The following PIBF1 variants were observed in gnomAD, a reference collection of about 807,000 sequenced individuals.
PIBF1 encodes the protein progesterone-induced-blocking factor 1.
A neutral mutation model predicts 112.5 loss-of-function variants in PIBF1; 90 were observed. The ratio of observed to expected loss-of-function variants is 0.80; its 90% CI spans 0.67 to 0.95. The LOEUF (loss-of-function observed/expected upper bound fraction) is 0.95, where lower values mean the gene tolerates loss of function less well. PIBF1 is among the 40% of genes least tolerant of loss of function. The pLI, the probability that PIBF1 is intolerant of heterozygous loss-of-function variation, is 0.00. For synonymous variants in PIBF1, 301 were observed against 288.6 expected (o/e 1.04, Z -0.44); for missense variants, 915 against 852.3 (o/e 1.07, Z -0.92).
In PIBF1 at chr13:72,783,617, C is replaced by G. The variant is rs1304237276; in HGVS notation, c.148C>G (p.Leu50Val). 2 of 1,613,850 alleles carry G rather than the reference C, an allele frequency of 1.2e-6. No homozygotes were observed. Among genetic ancestry groups the G allele is most frequent in the Non-Finnish European group, 1.7e-6 (2 of 1,179,906 alleles). Residue 50 changes from leucine (L) to valine (V), a missense_variant, in exon 2 of 18, where the codon CTA becomes GTA. Leu to Val is a conservative substitution (Grantham distance 32, BLOSUM62 1). Coordinates refer to ENST00000326291, the MANE Select transcript of PIBF1 (RefSeq NM_006346.4). ...REGKVRITRQLIERKELLHNI... is the reference protein window; with the variant it reads ...REGKVRITRQVIERKELLHNI... ...GGGCAAAGTCAGAATCACCAGGCAG[C>G]TAATTGAACGAAAAGAACTACTTCA...
chr13:72,944,970 G>T (rs2042111752), intron 14 of PIBF1, among the ~76,000 whole-genome samples: 1 of 151,986 alleles, frequency 6.6e-6, no homozygotes, highest in Admixed American at 6.6e-5. Context: ...GTGATGGTAA[G>T]GTTTGGAGTT....
At chr13:72,943,125 G>T (rs1009874338) in intron 14 of PIBF1, among the ~76,000 whole-genome samples, 4 of 152,084 alleles carry the variant, frequency 2.6e-5, no homozygotes, top group African/African-American at 9.7e-5. Context: ...AATTTAGCAA[G>T]TGAACTTTAA....
rs528309113 is a variant in PIBF1, at chr13:72,869,179, C to T, written c.1322+15024C>T. Among the ~76,000 whole-genome samples, 185 of 152,188 alleles carry T rather than the reference C, an allele frequency of 1.2e-3. 2 individuals are homozygous for T. The highest frequency in any genetic ancestry group is 3.9e-3 in the African/African-American group (161 of 41,518). On this transcript the variant is annotated intron_variant, in intron 10 of 17. Transcript: ENST00000326291. Reference sequence around the variant, plus strand: ...GACACATGCACACGTATGTTTATCACGGCATTATTCACAATAGCAAAGACT... The same window carrying T: ...GACACATGCACACGTATGTTTATCATGGCATTATTCACAATAGCAAAGACT...
chr13:73,013,076 C>A (rs1489438531), intron 17 of PIBF1, among the ~76,000 whole-genome samples: 2 of 151,060 alleles, frequency 1.3e-5, no homozygotes, highest in African/African-American at 4.9e-5. Context: ...CCGAGGCGGG[C>A]GGATCACGAG....
Position 72,806,109 on chromosome 13 carries a change from C to A in PIBF1, c.672+8083C>A, listed in dbSNP as rs117291566. On this transcript the variant is annotated intron_variant, in intron 5 of 17. Coordinates refer to ENST00000326291, the MANE Select transcript of PIBF1 (RefSeq NM_006346.4). ...ATTTAAGACTTTATTTTCATGTATACAATTCAGTAAAGAATACTCACATTG... is the reference window on the plus strand; with the variant it reads ...ATTTAAGACTTTATTTTCATGTATAAAATTCAGTAAAGAATACTCACATTG... Among the ~76,000 whole-genome samples, 1,284 of 152,236 alleles carry A rather than the reference C, an allele frequency of 8.4e-3. 66 individuals carry two copies. Among genetic ancestry groups the A allele is most frequent in the East Asian group, 9.5e-3 (49 of 5,184 alleles).
intron 16 of PIBF1, among the ~76,000 whole-genome samples, chr13:72,991,908 T>C (rs573742726): frequency 5.3e-5 from 8 of 152,082 alleles, no homozygotes; most frequent in East Asian, 1.9e-4. Flanking sequence ...TTAGTAGAGA[T>C]GGGGTTTCAC....
intron 6 of PIBF1, among the ~76,000 whole-genome samples, chr13:72,824,407 A>G: frequency 6.6e-6 from 1 of 152,178 alleles, no homozygotes; most frequent in Non-Finnish European, 1.5e-5. Flanking sequence ...GAATATCACA[A>G]TAAATATTGG....
At chr13:72,957,489 A>G (rs983949682) in intron 14 of PIBF1, among the ~76,000 whole-genome samples, 1 of 152,154 alleles carries the variant, frequency 6.6e-6, no homozygotes, top group Non-Finnish European at 1.5e-5. Context: ...TAAGAATGAT[A>G]CAGTGGACTT....
At chr13:72,817,437 A>C (rs547717944) in intron 5 of PIBF1, among the ~76,000 whole-genome samples, 1 of 152,266 alleles carries the variant, frequency 6.6e-6, no homozygotes, top group African/African-American at 2.4e-5. Flanking sequence ...TATGTTTGAA[A>C]AGTTTACTTT....
At chr13:72,792,364 G>T (rs1474104144) in intron 2 of PIBF1, 83 bp from the exon 3 acceptor site, 3 of 835,522 alleles carry the variant, frequency 3.6e-6, no homozygotes, top group Non-Finnish European at 5.8e-6. Context: ...TTTCTTTCAA[G>T]TGTTTTTAAA....
intron 11 of PIBF1, among the ~76,000 whole-genome samples, chr13:72,904,913 T>C (rs879088311): frequency 6.6e-6 from 1 of 150,454 alleles, no homozygotes; most frequent in Admixed American, 6.7e-5. Context: ...TAAAGGGGGG[T>C]TGTTAACTAA....
At chr13:72,879,023 G>A (rs1053707975) in intron 10 of PIBF1, among the ~76,000 whole-genome samples, 11 of 151,982 alleles carry the variant, frequency 7.2e-5, no homozygotes, top group Admixed American at 2.0e-4. Context: ...TTTCTTGTAG[G>A]CAGTATATAG....
At chr13:72,931,718 G>GTATATATATATATATTTATATATA (rs2041704603) in intron 14 of PIBF1, among the ~76,000 whole-genome samples, 1 of 101,978 alleles carries the variant, frequency 9.8e-6, no homozygotes, top group Non-Finnish European at 2.0e-5. Flanking sequence ...TTTAAACTAC[G>GTATATATATATATATTTATATATA]TATATATATA....
rs575004561 is a variant in PIBF1 at position 72,932,301 on chromosome 13, C to G, written c.1833+1034C>G. ...TTTCTCTTATAACAAAGGGTTTTTT[C>G]AAGTCATACATTAAATAACATTAAT... On this transcript the variant is annotated intron_variant, in intron 14 of 17. Coordinates refer to ENST00000326291, the MANE Select transcript of PIBF1 (RefSeq NM_006346.4). Among the ~76,000 whole-genome samples, 15 of 152,086 alleles carry G rather than the reference C, an allele frequency of 9.9e-5. No homozygotes were observed. In the East Asian group the frequency reaches 2.5e-3, roughly 25 times the overall value.
intron 5 of PIBF1, among the ~76,000 whole-genome samples, chr13:72,808,596 A>T (rs148291605): frequency 1.3e-5 from 2 of 151,914 alleles, no homozygotes; most frequent in South Asian, 2.1e-4. Context: ...TTTCAGTTCA[A>T]TTTTTTTTGG....
At chr13:72,927,921 T>C (rs1421189912) in intron 13 of PIBF1, among the ~76,000 whole-genome samples, 2 of 142,664 alleles carry the variant, frequency 1.4e-5, no homozygotes, top group African/African-American at 5.4e-5. Flanking sequence ...CTGAGAACTT[T>C]AATACCATTT....
intron 14 of PIBF1, among the ~76,000 whole-genome samples, chr13:72,933,431 G>A (rs562331397): frequency 8.5e-5 from 13 of 152,340 alleles, no homozygotes; most frequent in Admixed American, 7.2e-4. Context: ...GGAAGCCAAG[G>A]CAGGGGGATC....
intron 11 of PIBF1, among the ~76,000 whole-genome samples, chr13:72,908,204 C>T (rs1398556922): frequency 2.0e-5 from 3 of 152,092 alleles, no homozygotes; most frequent in Non-Finnish European, 4.4e-5. Flanking sequence ...GATAAATGAC[C>T]TCTATGTAAA....
chr13:72,880,683 T>A (rs975533154), intron 10 of PIBF1, among the ~76,000 whole-genome samples: 2 of 152,168 alleles, frequency 1.3e-5, no homozygotes, highest in African/African-American at 4.8e-5. Context: ...AAATAAAATT[T>A]GAAACTATAA....
Sources: gnomAD v4.1 joint callset for allele counts (sites outside exome capture counted in the v4.1 genomes callset) on GRCh38, gnomAD v4.1.1 for gene constraint, MANE v1.5 for transcripts, NCBI Gene and HGNC (gene_info 2026-07-23, HGNC 2026-07-21) for gene names.